Variants in KIFC1 observed in about 807,000 individuals in gnomAD.
KIFC1 encodes the protein kinesin-like protein KIFC1.
A neutral mutation model predicts 66.6 loss-of-function variants in KIFC1; 37 were observed. That is an observed-to-expected ratio of 0.56 (90% CI 0.43 to 0.73). The LOEUF (loss-of-function observed/expected upper bound fraction) is 0.73. Ranked by LOEUF, KIFC1 falls within the 30% of genes least tolerant of loss-of-function variation. The pLI, the probability that KIFC1 is intolerant of heterozygous loss-of-function variation, is 0.00. For missense variants in KIFC1, 721 were observed against 859.8 expected, an observed-to-expected ratio of 0.84 and a Z score of 2.02; for synonymous variants, 325 against 343.5, an observed-to-expected ratio of 0.95 and a Z score of 0.60.
chr6:33,397,320 C>T (rs1471736992), intron 1 of KIFC1, among the ~76,000 whole-genome samples: 12 of 109,098 alleles, frequency 1.1e-4, no homozygotes, highest in Non-Finnish European at 2.0e-4. Context: ...TTTTTTGAGA[C>T]GGAGTCTTAC....
In KIFC1 at chr6:33,403,448, G is replaced by C; in HGVS notation, c.305-37G>C. On this transcript the variant is annotated intron_variant, in intron 4 of 10. Transcript: ENST00000428849. The surrounding 1 kb of genome is among the most constrained non-coding windows in gnomAD (Gnocchi z 4.6). ...GAATGATGGAGGTGGAGGGACACTG[G>C]TCCTGTAATTCCTAAGTCACCTCCT... 1 of 1,611,870 alleles carries C rather than the reference G, an allele frequency of 6.2e-7. No homozygotes were observed. Among genetic ancestry groups the C allele is most frequent in the Non-Finnish European group, 8.5e-7 (1 of 1,177,910 alleles).
chr6:33,402,091 A>T (rs1213312490), intron 3 of KIFC1, among the ~76,000 whole-genome samples: 2 of 152,240 alleles, frequency 1.3e-5, no homozygotes, highest in African/African-American at 4.8e-5. Context: ...AAATAACAAT[A>T]AAAAGTACAG....
Position 33,406,259 on chromosome 6 carries a change from C to T in KIFC1, c.1600C>T (p.Arg534Trp), listed in dbSNP as rs373384743. The T allele has an allele frequency of 1.2e-4, 199 of 1,614,022 alleles. No homozygotes were observed. The highest frequency in any genetic ancestry group is 1.6e-4 in the Non-Finnish European group (192 of 1,179,982). ...RAVARTAQNERSSRSHSVFQL... is the reference protein window; with the variant it reads ...RAVARTAQNEWSSRSHSVFQL... ...TGTGGCCCGCACAGCCCAGAATGAACGGTCATCACGCAGCCACAGTGTATT... is the reference window on the plus strand; with the variant it reads ...TGTGGCCCGCACAGCCCAGAATGAATGGTCATCACGCAGCCACAGTGTATT... The change falls in exon 8 of 11, where the codon CGG becomes TGG. Residue 534 changes from arginine to tryptophan, a missense_variant. Physicochemically the swap from Arg to Trp is moderately radical, Grantham distance 101 (BLOSUM62 -3). Coordinates refer to ENST00000428849, the MANE Select transcript of KIFC1 (RefSeq NM_002263.4). The surrounding 1 kb of genome is among the most constrained non-coding windows in gnomAD (Gnocchi z 4.5).
Position 33,404,453 on chromosome 6 carries a change from TC to T in KIFC1, c.756+327del, listed in dbSNP as rs1775537147. Among the ~76,000 whole-genome samples, 1 of 152,184 alleles carries T rather than the reference TC, an allele frequency of 6.6e-6. No homozygotes were observed. Among genetic ancestry groups the T allele is most frequent in the Non-Finnish European group, 1.5e-5 (1 of 68,042 alleles). On this transcript the variant is annotated intron_variant, in intron 6 of 10. Coordinates refer to ENST00000428849, the MANE Select transcript of KIFC1 (RefSeq NM_002263.4). The surrounding 1 kb of genome is among the most constrained non-coding windows in gnomAD (Gnocchi z 4.0). ...TTCCTGTGGTACTCTCTTTCCCTCC[TC>T]CCATGTCCACTTGACTCCTTCCTGG...
chr6:33,402,348 G>T (rs1278298026), intron 3 of KIFC1, among the ~76,000 whole-genome samples: 1 of 152,110 alleles, frequency 6.6e-6, no homozygotes, highest in African/African-American at 2.4e-5. Context: ...GTCATTGACC[G>T]AAATGTCATT....
chr6:33,400,639 C>A lies in KIFC1; in HGVS notation c.250+2252C>A. ...CCTTGGCCTCCTCCGAGCCGAAAGC[C>A]GAGAGCTTCTCTCTCTTTTTTTTTT... On this transcript the variant is annotated intron_variant, in intron 3 of 10. Transcript: ENST00000428849. The surrounding 1 kb of genome is among the most constrained non-coding windows in gnomAD (Gnocchi z 4.3). The A allele has an allele frequency of 1.4e-6, 1 of 705,150 alleles. No individual in the cohort carries two copies. The highest frequency in any genetic ancestry group is 2.4e-6 in the Non-Finnish European group (1 of 415,362). 43.7% of individuals were successfully genotyped at this position (705,150 alleles called of 1,614,324 possible).
At chr6:33,396,538 G>A (rs2151083454) in intron 1 of KIFC1, among the ~76,000 whole-genome samples, 1 of 148,738 alleles carries the variant, frequency 6.7e-6, no homozygotes, top group Non-Finnish European at 1.5e-5. Flanking sequence ...CTTGATCTGG[G>A]CCCAAGCCAT....
Position 33,406,454 on chromosome 6 carries a change from C to T in KIFC1, c.1795C>T (p.Leu599=). Residue 599 remains leucine, a synonymous_variant, in exon 8 of 11, where the codon CTG becomes TTG. Coordinates refer to ENST00000428849, the MANE Select transcript of KIFC1 (RefSeq NM_002263.4). The surrounding 1 kb of genome is among the most constrained non-coding windows in gnomAD (Gnocchi z 4.5). ...TQAINSSLST[L]GLVIMALSNK... ...GGCCATTAACAGCAGCCTGTCCACGCTGGGGCTGGTTATCATGGCCCTGAG... is the reference window on the plus strand; with the variant it reads ...GGCCATTAACAGCAGCCTGTCCACGTTGGGGCTGGTTATCATGGCCCTGAG... 6.3e-7 allele frequency: 1 copy of T among 1,599,004 alleles called. No individual in the cohort carries two copies. Among genetic ancestry groups the T allele is most frequent in the Non-Finnish European group, 8.5e-7 (1 of 1,170,312 alleles).
intron 3 of KIFC1, among the ~76,000 whole-genome samples, chr6:33,398,907 AAT>A (rs752457602): frequency 2.0e-5 from 3 of 152,166 alleles, no homozygotes; most frequent in Non-Finnish European, 2.9e-5. Flanking sequence ...CTTCCAGGGA[AAT>A]TCTATTGGTA....
chr6:33,403,244 G>C lies in KIFC1; in HGVS notation c.251-70G>C, dbSNP rs1452379403. 7.2e-7 allele frequency: 1 copy of C among 1,379,332 alleles called. No homozygotes were observed. The highest frequency in any genetic ancestry group is 1.0e-6 in the Non-Finnish European group (1 of 968,268). 85.4% of individuals were successfully genotyped at this position (1,379,332 alleles called of 1,614,324 possible). On this transcript the variant is annotated intron_variant, in intron 3 of 10. Transcript: ENST00000428849. The surrounding 1 kb of genome is among the most constrained non-coding windows in gnomAD (Gnocchi z 4.6). ...TGAGAAAAGCACTTCTTCTGCCCCT[G>C]TCCTAGCAAGTGTACATGCCATCTT...
chr6:33,409,536 A>C lies in KIFC1; in HGVS notation c.1978-110A>C, dbSNP rs1195035758. 4.6e-6 allele frequency: 5 copies of C among 1,094,896 alleles called. No homozygotes were observed. The Admixed American group carries it at 6.8e-5, about 15-fold the overall frequency. 67.8% of individuals were successfully genotyped at this position (1,094,896 alleles called of 1,614,324 possible). A position where few individuals can be genotyped will look rare whatever the true frequency, so the allele number is the denominator to read the frequency against. ...GCCTGAACCAGCCTTTGGAGGCCTT[A>C]TTTCGGTATTTCTGAGGGCAGCCCT... On this transcript the variant is annotated intron_variant, in intron 10 of 10. Transcript: ENST00000428849.
chr6:33,406,772 TG>T lies in KIFC1; in HGVS notation c.1902-24del. 1.9e-6 allele frequency: 3 copies of T among 1,613,892 alleles called. No homozygotes were observed. The highest frequency in any genetic ancestry group is 8.5e-7 in the Non-Finnish European group (1 of 1,179,826). ...TCCAGGCTCTGCTGGCCCCTAATGC[TG>T]GGGTTGGGCACATTGTCTTTTCATA... On this transcript the variant is annotated intron_variant, in intron 9 of 10. Transcript: ENST00000428849. This position sits in a 1 kb window ranked among gnomAD's most constrained non-coding sequence, Gnocchi z 4.5.
chr6:33,397,513 G>A (rs930372097), intron 1 of KIFC1, among the ~76,000 whole-genome samples: 17 of 151,902 alleles, frequency 1.1e-4, no homozygotes, highest in African/African-American at 3.9e-4. Flanking sequence ...GGTCAGGCTA[G>A]TCTCAAACTC....
rs745601454 is a variant in KIFC1 at position 33,405,158 on chromosome 6, G to A, written c.1063G>A (p.Glu355Lys). The A allele has an allele frequency of 4.3e-6, 7 of 1,614,020 alleles. No homozygotes were observed. The highest frequency in any genetic ancestry group is 5.1e-6 in the Non-Finnish European group (6 of 1,180,038). Residue 355 changes from glutamate to lysine, a missense_variant, in exon 7 of 11, where the codon GAG becomes AAG. Transcript: ENST00000428849. The surrounding 1 kb of genome is among the most constrained non-coding windows in gnomAD (Gnocchi z 5.4). Reference protein sequence around the residue: ...PTRLSLSRSDERRGTLSGAPA... With the variant: ...PTRLSLSRSDKRRGTLSGAPA... ...CCGCCTTAGCCTCTCCCGGTCTGAC[G>A]AGCGGCGTGGGACCCTGAGTGGGGC...
chr6:33,409,506 C>T, intron 10 of KIFC1, 140 bp from the exon 11 acceptor site: 1 of 833,264 alleles, frequency 1.2e-6, no homozygotes, highest in South Asian at 1.4e-5. Context: ...CCATAACTGG[C>T]ACCAGCCTGA....
At chr6:33,399,155 A>G (rs931410295) in intron 3 of KIFC1, among the ~76,000 whole-genome samples, 2 of 152,202 alleles carry the variant, frequency 1.3e-5, no homozygotes, top group Non-Finnish European at 2.9e-5. Flanking sequence ...TGGGGGGCCA[A>G]GGTGTGTAGA....
rs1310374599 is a variant in KIFC1 at position 33,400,739 on chromosome 6, C to T, written c.250+2352C>T. Among the ~76,000 whole-genome samples, 4 of 152,202 alleles carry T rather than the reference C, an allele frequency of 2.6e-5. No homozygotes were observed. Among genetic ancestry groups the T allele is most frequent in the South Asian group, 2.1e-4 (1 of 4,816 alleles). ...TCGGCTCACTGCAAGCTCCGCCTCC[C>T]GGGTTCCCGCCATTTTCCTGCCTCA... On this transcript the variant is annotated intron_variant, in intron 3 of 10. Transcript: ENST00000428849. This position sits in a 1 kb window ranked among gnomAD's most constrained non-coding sequence, Gnocchi z 4.3.
At chr6:33,407,144 C>T (rs750659908) in intron 10 of KIFC1, 354 of 1,158,426 alleles carry the variant, frequency 3.1e-4, no homozygotes, top group Non-Finnish European at 3.9e-4. Flanking sequence ...CGTAGTAGCT[C>T]ATGCCTATAA....
chr6:33,397,070 A>G (rs866493626), intron 1 of KIFC1, among the ~76,000 whole-genome samples: 35 of 144,012 alleles, frequency 2.4e-4, no homozygotes, highest in African/African-American at 7.9e-4. Context: ...GCTCACCGCA[A>G]CCTCCACCAA....
Sources: gnomAD v4.1 joint callset for allele counts (sites outside exome capture counted in the v4.1 genomes callset) on GRCh38, gnomAD v4.1.1 for gene constraint, Gnocchi (gnomAD v3.1) non-coding constraint, MANE v1.5 for transcripts, NCBI Gene and HGNC (gene_info 2026-07-23, HGNC 2026-07-21) for gene names.